PSMD5: variants seen among roughly 807,000 people sequenced by gnomAD.
PSMD5 encodes the protein 26S proteasome non-ATPase regulatory subunit 5.
Under a neutral mutation model 52.1 loss-of-function variants are expected in PSMD5, and 40 were observed. The ratio of observed to expected loss-of-function variants is 0.77; its 90% CI spans 0.60 to 1.00. The LOEUF is 1.00. PSMD5 is among the 50% of genes least tolerant of loss of function. The pLI, the probability that PSMD5 is intolerant of heterozygous loss-of-function variation, is 0.00. For synonymous variants in PSMD5, 211 were observed against 226.6 expected (o/e 0.93, Z 0.62); for missense variants, 575 against 605.2 (o/e 0.95, Z 0.52).
In PSMD5 at chr9:120,817,703, T is replaced by C. The variant is rs16910140; in HGVS notation, c.*203A>G. The C allele has an allele frequency of 4.2e-3, 2,419 of 582,858 alleles. 56 individuals are homozygous for C. Among genetic ancestry groups the C allele is most frequent in the African/African-American group, 0.039 (2,118 of 54,032 alleles). 36.1% of individuals were successfully genotyped at this position (582,858 alleles called of 1,614,324 possible). A position where few individuals can be genotyped will look rare whatever the true frequency, so the allele number is the denominator to read the frequency against. On this transcript the variant is annotated 3_prime_UTR_variant, in exon 10 of 10. Transcript: ENST00000210313. ...ACTGGATCTATTATGACCAAGCTTG[T>C]CTGCTCTTAATGCATTCCAAACTCC...
At chr9:120,831,117 C>T (rs115104624) in intron 4 of PSMD5, among the ~76,000 whole-genome samples, 1,622 of 152,206 alleles carry the variant, frequency 0.011, 19 homozygotes, top group African/African-American at 0.037. Flanking sequence ...CTCCTGGCCT[C>T]AAGGGGTCCT....
intron 3 of PSMD5, 33 bp from the exon 4 acceptor site, chr9:120,831,492 C>T: frequency 6.4e-7 from 1 of 1,570,584 alleles, no homozygotes; most frequent in Non-Finnish European, 8.6e-7. Context: ...CTTACATTCC[C>T]AAAATGCAGG....
At position 120,839,982 on chromosome 9, in the gene PSMD5, C is replaced by T. The variant is rs1016225170; in HGVS notation, c.173+2755G>A. Reference sequence around the variant, plus strand: ...TTAAAAACACAAAAAATTAGCTGGGCGTTGTGGTGGTGGCACGTGCCTATA... The same window carrying T: ...TTAAAAACACAAAAAATTAGCTGGGTGTTGTGGTGGTGGCACGTGCCTATA... On this transcript the variant is annotated intron_variant, in intron 1 of 9. Transcript: ENST00000210313. 3.3e-5 allele frequency among the ~76,000 whole-genome samples: 5 copies of T among 150,784 alleles called. No homozygotes were observed. In the South Asian group the frequency reaches 1.1e-3, roughly 32 times the overall value.
Position 120,833,367 on chromosome 9 carries a change from AGGTCAACCCTGAGGTTCCG to A in PSMD5, c.244_262del (p.Arg82CysfsTer5). On this transcript the variant is annotated frameshift_variant, in exon 2 of 10. Coordinates refer to ENST00000210313, the MANE Select transcript of PSMD5 (RefSeq NM_005047.4). LOFTEE classifies it high-confidence loss of function. ...ATCAGGGTGAATTAGTCCCCTCTGCAGGTCAACCCTGAGGTTCCGGGCCACGTGAACCGGTTCCATAGCT... is the reference window on the plus strand; with the variant it reads ...ATCAGGGTGAATTAGTCCCCTCTGCAGGCCACGTGAACCGGTTCCATAGCT... 1 of 1,614,128 alleles carries A rather than the reference AGGTCAACCCTGAGGTTCCG, an allele frequency of 6.2e-7. No homozygotes were observed. Among genetic ancestry groups the A allele is most frequent in the Non-Finnish European group, 8.5e-7 (1 of 1,179,956 alleles).
At position 120,816,304 on chromosome 9, in the gene PSMD5, G is replaced by A. The variant is rs1196135016; in HGVS notation, c.*1602C>T. The A allele has an allele frequency of 6.6e-6, 1 of 152,122 alleles. No individual in the cohort carries two copies. Among genetic ancestry groups the A allele is most frequent in the Non-Finnish European group, 1.5e-5 (1 of 68,064 alleles). The allele number at this position is 152,122 out of a possible 1,614,324, so 9.4% of individuals were successfully genotyped here. A position where few individuals can be genotyped will look rare whatever the true frequency, so the allele number is the denominator to read the frequency against. On this transcript the variant is annotated 3_prime_UTR_variant, in exon 10 of 10. Transcript: ENST00000210313. ...ATTCTGAAGATGGATGGTGGTGATG[G>A]TTGTACAACTTATGAACATATGTAA...
At chr9:120,833,602 G>T in intron 1 of PSMD5, 146 bp from the exon 2 acceptor site, 2 of 746,132 alleles carry the variant, frequency 2.7e-6, no homozygotes, top group South Asian at 2.0e-5. Context: ...CTAAACATTT[G>T]CTAAGTACCT....
At chr9:120,830,354 G>A (rs2045151287) in intron 4 of PSMD5, among the ~76,000 whole-genome samples, 1 of 152,182 alleles carries the variant, frequency 6.6e-6, no homozygotes. Context: ...TGAGCATGAA[G>A]GTTCGAGCTC....
chr9:120,820,751 A>C, intron 9 of PSMD5, 88 bp downstream of exon 9: 3 of 1,324,138 alleles, frequency 2.3e-6, no homozygotes, highest in Non-Finnish European at 3.0e-6. Flanking sequence ...GTGCATCCCC[A>C]GAGATGGCAC....
intron 4 of PSMD5, among the ~76,000 whole-genome samples, chr9:120,829,836 G>A (rs1387780994): frequency 6.6e-6 from 1 of 152,148 alleles, no homozygotes; most frequent in Non-Finnish European, 1.5e-5. Context: ...CATCCTGTCA[G>A]TCAGTCAGTC....
chr9:120,821,061 G>A, intron 8 of PSMD5, 82 bp from the exon 9 acceptor site: 1 of 1,396,024 alleles, frequency 7.2e-7, no homozygotes, highest in Non-Finnish European at 9.7e-7. Flanking sequence ...ACACCTGAGT[G>A]CTGATGGCAC....
intron 1 of PSMD5, 43 bp from the exon 2 acceptor site, chr9:120,833,499 A>G (rs1245379604): frequency 3.2e-6 from 5 of 1,573,854 alleles, no homozygotes; most frequent in Non-Finnish European, 4.3e-6. Context: ...TATCCTGCCC[A>G]GGTAGGAAGT....
At chr9:120,822,639 C>T (rs564396939) in intron 7 of PSMD5, among the ~76,000 whole-genome samples, 9 of 152,098 alleles carry the variant, frequency 5.9e-5, no homozygotes, top group South Asian at 4.1e-4. Context: ...CAGGTTCAAG[C>T]GATTCTCCTG....
chr9:120,828,574 C>T (rs1047055740), intron 5 of PSMD5, among the ~76,000 whole-genome samples: 4 of 151,162 alleles, frequency 2.6e-5, no homozygotes, highest in Non-Finnish European at 5.9e-5. Flanking sequence ...AATATAGGCA[C>T]ATGCCACCAT....
rs371573235 is a variant in PSMD5, at chr9:120,826,911, A to G, written c.672-4T>C. 5 of 1,607,098 alleles carry G rather than the reference A, an allele frequency of 3.1e-6. No individual in the cohort carries two copies. In the Admixed American group the frequency reaches 8.5e-5, roughly 27 times the overall value. ...CACCATTTCTATACAGGTGGCTCTA[A>G]AATGTCAGAAGGACAAAAACAAGGA... On this transcript the variant is annotated splice_region_variant and splice_polypyrimidine_tract_variant and intron_variant, in intron 5 of 9. Coordinates refer to ENST00000210313, the MANE Select transcript of PSMD5 (RefSeq NM_005047.4).
At chr9:120,820,693 T>A in intron 9 of PSMD5, 146 bp downstream of exon 9, 1 of 721,160 alleles carries the variant, frequency 1.4e-6, no homozygotes, top group Non-Finnish European at 2.1e-6. Context: ...ATCTGTCTCC[T>A]TACTTAGTCT....
intron 2 of PSMD5, among the ~76,000 whole-genome samples, chr9:120,832,558 A>G (rs10739574): frequency 0.91 from 138,151 of 152,254 alleles, 62,717 homozygotes; most frequent in South Asian, 0.97. Flanking sequence ...CATCATGCCC[A>G]GCTAATTTCT....
In PSMD5 at chr9:120,831,618, T is replaced by C. The variant is rs944741396; in HGVS notation, c.433-159A>G. 3.5e-4 allele frequency: 381 copies of C among 1,097,498 alleles called. 3 individuals carry two copies. The highest frequency in any genetic ancestry group is 4.8e-4 in the Non-Finnish European group (377 of 787,288). 68.0% of individuals were successfully genotyped at this position (1,097,498 alleles called of 1,614,324 possible). A position where few individuals can be genotyped will look rare whatever the true frequency, so the allele number is the denominator to read the frequency against. The stretch of plus-strand genomic sequence containing the variant: ...CAAGGTATCCCCCATAGAATTATGA[T>C]GGATACTGTAGATATGTATATCCTA... On this transcript the variant is annotated intron_variant, in intron 3 of 9. Transcript: ENST00000210313.
At chr9:120,842,530 G>A (rs999075817) in intron 1 of PSMD5, 7 of 608,500 alleles carry the variant, frequency 1.2e-5, no homozygotes, top group Non-Finnish European at 2.0e-5. Context: ...GCCAGGCGAC[G>A]GGAGAAAACA....
chr9:120,826,820 A>C lies in PSMD5; in HGVS notation c.759T>G (p.Ile253Met). 1 of 1,613,576 alleles carries C rather than the reference A, an allele frequency of 6.2e-7. No homozygotes were observed. Among genetic ancestry groups the C allele is most frequent in the Non-Finnish European group, 8.5e-7 (1 of 1,179,532 alleles). Residue 253 changes from isoleucine to methionine, a missense_variant, in exon 6 of 10, where the codon ATT (isoleucine) becomes ATG (methionine). Coordinates refer to ENST00000210313, the MANE Select transcript of PSMD5 (RefSeq NM_005047.4). The stretch of plus-strand genomic sequence containing the variant: ...AATCTGCCCCAACAATTATATTAGA[A>C]ATTTGGTCAATTACTCCTTCTTGAG... ...YLAQEGVIDQ[I>M]SNIIVGADSD...
Sources: gnomAD v4.1 joint callset for allele counts (sites outside exome capture counted in the v4.1 genomes callset) on GRCh38, gnomAD v4.1.1 for gene constraint, MANE v1.5 for transcripts, NCBI Gene and HGNC (gene_info 2026-07-23, HGNC 2026-07-21) for gene names.